The following OR51B5 variants were observed in gnomAD, a reference collection of about 807,000 sequenced individuals.
OR51B5 encodes the protein olfactory receptor family 51 subfamily B member 5.
For synonymous variants in OR51B5, 186 were observed against 144.8 expected, an observed-to-expected ratio of 1.28 and a Z score of -2.04; for missense variants, 456 against 374.6, an observed-to-expected ratio of 1.22 and a Z score of -1.79.
chr11:5,367,790 T>C, intron 1 of OR51B5, among the ~76,000 whole-genome samples: 1 of 152,210 alleles, frequency 6.6e-6, no homozygotes, highest in East Asian at 1.9e-4. Flanking sequence ...ACAAAAATGT[T>C]GTTTCTGGTA....
intron 1 of OR51B5, among the ~76,000 whole-genome samples, chr11:5,371,603 G>C (rs911771318): frequency 1.3e-5 from 2 of 152,088 alleles, no homozygotes; most frequent in Non-Finnish European, 2.9e-5. Flanking sequence ...AATTTGACTT[G>C]CTTCAGATAA....
chr11:5,361,091 G>A lies in OR51B5; in HGVS notation n.85-14181C>T, dbSNP rs541917482. Among the ~76,000 whole-genome samples, 74 of 152,200 alleles carry A rather than the reference G, an allele frequency of 4.9e-4. 1 individual carries two copies. The highest frequency in any genetic ancestry group is 1.0e-3 in the South Asian group (5 of 4,818). ...ACCAACATGGCACATGTATACATAT[G>A]TAACAAACCTGCACGTTGTGCAAAT... is the stretch of plus-strand genomic sequence containing the variant. On this transcript the variant is annotated intron_variant and non_coding_transcript_variant, in intron 1 of 4. Transcript: ENST00000415970.
intron 1 of OR51B5, among the ~76,000 whole-genome samples, chr11:5,368,775 G>A (rs994423946): frequency 6.6e-6 from 1 of 152,138 alleles, no homozygotes; most frequent in South Asian, 2.1e-4. Flanking sequence ...CAAAACCTCA[G>A]CATAGGCCTT....
intron 1 of OR51B5, among the ~76,000 whole-genome samples, chr11:5,474,175 G>A (rs1380781403): frequency 6.6e-6 from 1 of 152,024 alleles, no homozygotes; most frequent in Non-Finnish European, 1.5e-5. Flanking sequence ...AATATTCAAA[G>A]CACCTATGAG....
chr11:5,370,671 C>G (rs1849433694), intron 1 of OR51B5, among the ~76,000 whole-genome samples: 1 of 152,104 alleles, frequency 6.6e-6, no homozygotes, highest in East Asian at 1.9e-4. Context: ...TTAGCAACTA[C>G]TGGGTACAAA....
At chr11:5,481,108 C>A (rs374509370) in intron 1 of OR51B5, among the ~76,000 whole-genome samples, 21 of 61,908 alleles carry the variant, frequency 3.4e-4, no homozygotes, top group East Asian at 2.8e-3. Context: ...AAAAATCCTC[C>A]ATAAAATACT....
intron 1 of OR51B5, chr11:5,441,396 G>C (rs1339450339): frequency 1.9e-6 from 3 of 1,613,878 alleles, no homozygotes; most frequent in African/African-American, 2.7e-5. Context: ...ACCTACAATG[G>C]AGATCATGTA....
At chr11:5,390,868 C>T (rs1263252870) in intron 1 of OR51B5, 1 of 155,262 alleles carries the variant, frequency 6.4e-6, no homozygotes, top group Non-Finnish European at 1.4e-5. Context: ...ACTTTCAGAC[C>T]CCCAAGTCAC....
At position 5,417,198 on chromosome 11, in the gene OR51B5, T is replaced by C. The variant is rs1198859777; in HGVS notation, n.85-70288A>G. ...GGGAAAGGATTCCCTATTTAATAAATGGTGCTGGGAAAACTGGCTAGCCAT... is the reference window on the plus strand; with the variant it reads ...GGGAAAGGATTCCCTATTTAATAAACGGTGCTGGGAAAACTGGCTAGCCAT... On this transcript the variant is annotated intron_variant and non_coding_transcript_variant, in intron 1 of 4. Transcript: ENST00000415970. Among the ~76,000 whole-genome samples, 3 of 151,734 alleles carry C rather than the reference T, an allele frequency of 2.0e-5. No individual in the cohort carries two copies. In the South Asian group the frequency reaches 6.3e-4, roughly 32 times the overall value.
upstream of OR51B5, among the ~76,000 whole-genome samples, chr11:5,344,163 C>G (rs550081501): frequency 6.6e-6 from 1 of 152,268 alleles, no homozygotes; most frequent in South Asian, 2.1e-4. Flanking sequence ...GTGTGAATTA[C>G]CCTCTTGTAG....
At chr11:5,389,702 C>A in intron 1 of OR51B5, 2 of 1,613,826 alleles carry the variant, frequency 1.2e-6, no homozygotes, top group Non-Finnish European at 1.7e-6. Flanking sequence ...GTTTAACTCC[C>A]ATAGTATCTA....
intron 1 of OR51B5, among the ~76,000 whole-genome samples, chr11:5,368,494 T>G (rs1849407136): frequency 6.6e-6 from 1 of 152,202 alleles, no homozygotes; most frequent in African/African-American, 2.4e-5. Context: ...TTGAAAATTT[T>G]GTGAAAATGA....
intron 1 of OR51B5, among the ~76,000 whole-genome samples, chr11:5,382,412 T>C (rs910640714): frequency 2.6e-5 from 4 of 152,152 alleles, no homozygotes; most frequent in African/African-American, 7.2e-5. Flanking sequence ...ATTAATATAA[T>C]TGCCATGTCC....
At position 5,440,710 on chromosome 11, in the gene OR51B5, T is replaced by G. The variant is rs1346951537; in HGVS notation, n.84+64859A>C. On this transcript the variant is annotated intron_variant and non_coding_transcript_variant, in intron 1 of 4. Coordinates refer to the OR51B5 transcript ENST00000415970. ...ATGACATGAACAACAGGTGGAGCAC[T>G]TTTCCAGAAGCGGTGAATCATGGAG... 5 of 1,613,822 alleles carry G rather than the reference T, an allele frequency of 3.1e-6. No individual in the cohort carries two copies. The South Asian group carries it at 4.4e-5, about 14-fold the overall frequency.
At chr11:5,399,566 TCTA>T (rs1849935805) in intron 1 of OR51B5, among the ~76,000 whole-genome samples, 1 of 152,138 alleles carries the variant, frequency 6.6e-6, no homozygotes, top group Non-Finnish European at 1.5e-5. Flanking sequence ...TGTCCCACAT[TCTA>T]CTTTTTTTCT....
exon 1 of OR51B5, chr11:5,343,029 A>G (rs1042581088): frequency 6.2e-7 from 1 of 1,613,816 alleles, no homozygotes; most frequent in African/African-American, 1.3e-5. Context: ...GAGTGACAAT[A>G]CAGAAAAAAA....
In OR51B5 at chr11:5,454,210, G is replaced by T. The variant is rs150822863; in HGVS notation, n.84+51359C>A. The T allele has an allele frequency of 2.1e-4, 331 of 1,614,086 alleles. 1 individual carries two copies. The African/African-American group carries it at 3.7e-3, about 18-fold the overall frequency. On this transcript the variant is annotated intron_variant and non_coding_transcript_variant, in intron 1 of 4. Coordinates refer to the OR51B5 transcript ENST00000415970. ...GAACGCCTCAAAGCTCTCAACACAT[G>T]TGTGTCACATATCCTGGCTGTACTT...
At chr11:5,442,477 C>T (rs1850704794) in intron 1 of OR51B5, among the ~76,000 whole-genome samples, 1 of 152,050 alleles carries the variant, frequency 6.6e-6, no homozygotes, top group African/African-American at 2.4e-5. Context: ...TCATTCTCTC[C>T]CTTTCTGCCT....
chr11:5,482,790 A>G (rs1851444070), intron 1 of OR51B5, among the ~76,000 whole-genome samples: 9 of 64,930 alleles, frequency 1.4e-4, no homozygotes, highest in Non-Finnish European at 1.8e-4. Flanking sequence ...AGAAATGCAA[A>G]TCAAAACCAC....
Sources: gnomAD v4.1 joint callset for allele counts (sites outside exome capture counted in the v4.1 genomes callset) on GRCh38, gnomAD v4.1.1 for gene constraint, MANE v1.5 for transcripts, NCBI Gene and HGNC (gene_info 2026-07-23, HGNC 2026-07-21) for gene names.